The following B4GALT2 variants were observed in gnomAD, a reference collection of about 807,000 sequenced individuals.
The protein encoded by B4GALT2 is beta-1,4-galactosyltransferase 2, also known as N-acetyllactosamine synthase.
In B4GALT2, 18 loss-of-function variants were observed where a neutral mutation model predicts 33.2. The observed-to-expected ratio is 0.54, with a 90% CI of 0.38 to 0.80. The LOEUF (loss-of-function observed/expected upper bound fraction) is 0.80. Ranked by LOEUF, B4GALT2 falls within the 30% of genes least tolerant of loss-of-function variation. The probability of loss-of-function intolerance (pLI) is 0.00; values close to 1 mark genes in which losing one functional copy is unlikely to be tolerated. For missense variants in B4GALT2, 404 were observed against 526.2 expected, an observed-to-expected ratio of 0.77 and a Z score of 2.27; for synonymous variants, 214 against 217.6, an observed-to-expected ratio of 0.98 and a Z score of 0.15.
intron 1 of B4GALT2, chr1:43,980,111 T>C: frequency 7.1e-7 from 1 of 1,413,778 alleles, no homozygotes; most frequent in Non-Finnish European, 9.3e-7. Flanking sequence ...TCTCTGTGTG[T>C]CTGAGTGTGG....
Position 43,981,310 on chromosome 1 carries a change from T to TGCCCATGCCCTCCACCCA in B4GALT2, c.153_170dup (p.His52_Ala57dup). The TGCCCATGCCCTCCACCCA allele has an allele frequency of 1.2e-6, 2 of 1,603,750 alleles. No homozygotes were observed. The highest frequency in any genetic ancestry group is 1.7e-6 in the Non-Finnish European group (2 of 1,179,856). On this transcript the variant is annotated inframe_insertion, in exon 2 of 7. Transcript: ENST00000372324. This position sits in a 1 kb window ranked among gnomAD's most constrained non-coding sequence, Gnocchi z 8.1. The stretch of plus-strand genomic sequence containing the variant: ...TCAGCCGCTTCAGTGCCCGAGGCCC[T>TGCCCATGCCCTCCACCCA]GCCCATGCCCTCCACCCAGCTGCTA...
chr1:43,980,458 G>T (rs2085581860), intron 1 of B4GALT2: 1 of 744,080 alleles, frequency 1.3e-6, no homozygotes, highest in South Asian at 6.0e-5. Flanking sequence ...TAAACATCCA[G>T]TCTGTATTTG....
rs561882191 is a variant in B4GALT2 at position 43,984,193 on chromosome 1, G to C, written c.550-672G>C. Among the ~76,000 whole-genome samples, 8 of 152,376 alleles carry C rather than the reference G, an allele frequency of 5.3e-5. No homozygotes were observed. Among genetic ancestry groups the C allele is most frequent in the African/African-American group, 1.9e-4 (8 of 41,598 alleles). ...ACCCTATGCTTGTCATTTTGTTGGA[G>C]AGACAAGTGAATCTAGCCCAGACCT... On this transcript the variant is annotated intron_variant, in intron 3 of 6. Coordinates refer to ENST00000372324, the MANE Select transcript of B4GALT2 (RefSeq NM_003780.5). This position sits in a 1 kb window ranked among gnomAD's most constrained non-coding sequence, Gnocchi z 5.6.
Position 43,984,867 on chromosome 1 carries a change from T to C in B4GALT2, c.552T>C (p.His184=). ...LRYGVYVINQ[H]GEDTFNRAKL... ...GACCTGCTCCTCCCCCTACCCAGCA[T>C]GGTGAGGACACCTTCAACCGGGCCA... Residue 184 remains histidine (H), a splice_region_variant and synonymous_variant, in exon 4 of 7, where the codon CAT becomes CAC. Transcript: ENST00000372324. The surrounding 1 kb of genome is among the most constrained non-coding windows in gnomAD (Gnocchi z 5.6). 1.9e-6 allele frequency: 3 copies of C among 1,613,344 alleles called. No homozygotes were observed. The highest frequency in any genetic ancestry group is 2.5e-6 in the Non-Finnish European group (3 of 1,179,616).
chr1:43,985,263 C>T lies in B4GALT2; in HGVS notation c.741-15C>T, dbSNP rs779330887. The T allele has an allele frequency of 6.9e-6, 11 of 1,605,594 alleles. No homozygotes were observed. The South Asian group carries it at 1.2e-4, about 18-fold the overall frequency. On this transcript the variant is annotated splice_polypyrimidine_tract_variant and intron_variant, in intron 4 of 6. Coordinates refer to ENST00000372324, the MANE Select transcript of B4GALT2 (RefSeq NM_003780.5). ...CCTTGGGACCCTTACTGACACCTGC[C>T]TTCCCATGCCACAGGCTTCCCTATG... is the stretch of plus-strand genomic sequence containing the variant.
chr1:43,990,467 C>G lies in B4GALT2; in HGVS notation c.*19C>G, dbSNP rs1368592436. On this transcript the variant is annotated 3_prime_UTR_variant, in exon 7 of 7. Coordinates refer to ENST00000372324, the MANE Select transcript of B4GALT2 (RefSeq NM_003780.5). The stretch of plus-strand genomic sequence containing the variant: ...GGGCTGACACTAATGGACAGAGGCT[C>G]TCGGTGCCGAAGATTGCCTGCCAGA... 1.2e-6 allele frequency: 2 copies of G among 1,613,708 alleles called. No homozygotes were observed. Among genetic ancestry groups the G allele is most frequent in the Non-Finnish European group, 1.7e-6 (2 of 1,179,974 alleles).
chr1:43,987,363 C>T (rs987756157), intron 6 of B4GALT2, among the ~76,000 whole-genome samples: 3 of 152,096 alleles, frequency 2.0e-5, no homozygotes, highest in East Asian at 1.9e-4. Context: ...CACAGAGCAG[C>T]GTCAGGAAGC....
intron 1 of B4GALT2, chr1:43,980,408 C>T: frequency 2.5e-6 from 1 of 396,918 alleles, no homozygotes; most frequent in African/African-American, 2.1e-5. Flanking sequence ...CCTGCCTTGC[C>T]CCGTATTTTG....
rs546557890 is a variant in B4GALT2, at chr1:43,979,752, C to G, written c.-53+241C>G. 2.9e-5 allele frequency: 12 copies of G among 412,884 alleles called. No individual in the cohort carries two copies. In the Admixed American group the frequency reaches 3.6e-4, roughly 12 times the overall value. 25.6% of individuals were successfully genotyped at this position (412,884 alleles called of 1,614,324 possible). ...CCTCGCTCGCCCCGGCCTCGTGGCG[C>G]GGGGAGGCGTTCCATACACGTTTCC... On this transcript the variant is annotated intron_variant, in intron 1 of 6. Transcript: ENST00000372324. This position sits in a 1 kb window ranked among gnomAD's most constrained non-coding sequence, Gnocchi z 4.8.
chr1:43,983,625 A>T (rs1224737805), intron 3 of B4GALT2, among the ~76,000 whole-genome samples: 2 of 151,828 alleles, frequency 1.3e-5, no homozygotes, highest in African/African-American at 4.8e-5. Context: ...ACAACTCTTT[A>T]AAAAAAAATC....
intron 3 of B4GALT2, among the ~76,000 whole-genome samples, chr1:43,983,904 C>T (rs2085628023): frequency 6.6e-6 from 1 of 152,160 alleles, no homozygotes. Context: ...CCCACCTCTT[C>T]TGGCAGTGGC....
Position 43,985,460 on chromosome 1 carries a change from G to C in B4GALT2, c.864-57G>C, listed in dbSNP as rs1571806559. The C allele has an allele frequency of 8.5e-6, 13 of 1,526,620 alleles. No individual in the cohort carries two copies. The East Asian group carries it at 3.0e-4, about 35-fold the overall frequency. The allele number at this position is 1,526,620 out of a possible 1,614,324, so 94.6% of individuals were successfully genotyped here. On this transcript the variant is annotated intron_variant, in intron 5 of 6. Coordinates refer to ENST00000372324, the MANE Select transcript of B4GALT2 (RefSeq NM_003780.5). ...GGGGGGGGAGGGGGGGTGCAGACTG[G>C]GTGGGGTTCTTTGCCCTTCCTGGAG...
At position 43,990,991 on chromosome 1, in the gene B4GALT2, T is replaced by A. The variant is rs1336800723; in HGVS notation, c.*543T>A. ...CCCAGGAGGGGACCAGAGGGGATGC[T>A]GTGTCGCTGCCTGGGATCTTGGGGT... On this transcript the variant is annotated 3_prime_UTR_variant, in exon 7 of 7. Transcript: ENST00000372324. The A allele has an allele frequency of 6.3e-6, 1 of 159,560 alleles. No individual in the cohort carries two copies. Among genetic ancestry groups the A allele is most frequent in the Non-Finnish European group, 1.4e-5 (1 of 71,548 alleles). The allele number at this position is 159,560 out of a possible 1,614,324, so 9.9% of individuals were successfully genotyped here.
Position 43,990,718 on chromosome 1 carries a change from G to A in B4GALT2, c.*270G>A, listed in dbSNP as rs914525728. On this transcript the variant is annotated 3_prime_UTR_variant, in exon 7 of 7. Transcript: ENST00000372324. Reference sequence around the variant, plus strand: ...CTAGCCCAGCCCCAGTCACTGTCAGGGTCGGGCCAGCCCCTGCACTGCCTC... The same window carrying A: ...CTAGCCCAGCCCCAGTCACTGTCAGAGTCGGGCCAGCCCCTGCACTGCCTC... The A allele has an allele frequency of 5.2e-5, 26 of 495,510 alleles. No individual in the cohort carries two copies. Among genetic ancestry groups the A allele is most frequent in the Non-Finnish European group, 7.7e-5 (21 of 272,098 alleles). 30.7% of individuals were successfully genotyped at this position (495,510 alleles called of 1,614,324 possible). A position where few individuals can be genotyped will look rare whatever the true frequency, so the allele number is the denominator to read the frequency against.
In B4GALT2 at chr1:43,981,123, G is replaced by C; in HGVS notation, c.-38G>C. The C allele has an allele frequency of 6.3e-7, 1 of 1,590,418 alleles. No homozygotes were observed. The highest frequency in any genetic ancestry group is 8.5e-7 in the Non-Finnish European group (1 of 1,174,982). ...ACCCTGCTCAGGCCAGCAGCCGGAT[G>C]CCCGGGCCCACTGGGCGGGCCAGTG... On this transcript the variant is annotated 5_prime_UTR_variant, in exon 2 of 7. It removes an upstream start codon present in the reference 5' UTR. Coordinates refer to ENST00000372324, the MANE Select transcript of B4GALT2 (RefSeq NM_003780.5). This position sits in a 1 kb window ranked among gnomAD's most constrained non-coding sequence, Gnocchi z 8.1.
At position 43,979,849 on chromosome 1, in the gene B4GALT2, G is replaced by T. The variant is rs924267615; in HGVS notation, c.-53+338G>T. 1 of 723,744 alleles carries T rather than the reference G, an allele frequency of 1.4e-6. No homozygotes were observed. The highest frequency in any genetic ancestry group is 2.3e-6 in the Non-Finnish European group (1 of 441,906). 44.8% of individuals were successfully genotyped at this position (723,744 alleles called of 1,614,324 possible). On this transcript the variant is annotated intron_variant, in intron 1 of 6. Coordinates refer to ENST00000372324, the MANE Select transcript of B4GALT2 (RefSeq NM_003780.5). This position sits in a 1 kb window ranked among gnomAD's most constrained non-coding sequence, Gnocchi z 4.8. ...CCCAGGCTCCACACCCACCCGGTCTGTGCGGCCTGCCCGTCCGCGGGTGCC... is the reference window on the plus strand; with the variant it reads ...CCCAGGCTCCACACCCACCCGGTCTTTGCGGCCTGCCCGTCCGCGGGTGCC...
intron 3 of B4GALT2, among the ~76,000 whole-genome samples, chr1:43,983,275 G>A (rs1429123234): frequency 6.6e-6 from 1 of 152,238 alleles, no homozygotes; most frequent in Admixed American, 6.5e-5. Flanking sequence ...CGTCTGACCT[G>A]CCAGGGAGCA....
chr1:43,985,795 A>G (rs1281627338), intron 6 of B4GALT2, 174 bp downstream of exon 6: 2 of 641,962 alleles, frequency 3.1e-6, no homozygotes, highest in African/African-American at 3.6e-5. Flanking sequence ...AAGGCCCCTC[A>G]GGACTGCTGG....
At position 43,981,811 on chromosome 1, in the gene B4GALT2, G is replaced by A; in HGVS notation, c.436G>A (p.Ala146Thr). 1 of 1,613,878 alleles carries A rather than the reference G, an allele frequency of 6.2e-7. No homozygotes were observed. Residue 146 changes from alanine to threonine, a missense_variant, in exon 3 of 7, where the codon GCG becomes ACG. By Grantham distance (58) the Ala-to-Thr change is moderately conservative (BLOSUM62 0). Coordinates refer to ENST00000372324, the MANE Select transcript of B4GALT2 (RefSeq NM_003780.5). This position sits in a 1 kb window ranked among gnomAD's most constrained non-coding sequence, Gnocchi z 8.1. ...PPDCTPAQTV[A>T]VIIPFRHREH... ...CGACTGCACCCCAGCCCAGACGGTG[G>A]CGGTCATCATCCCCTTTAGACACCG...
Sources: gnomAD v4.1 joint callset for allele counts (sites outside exome capture counted in the v4.1 genomes callset) on GRCh38, gnomAD v4.1.1 for gene constraint, Gnocchi (gnomAD v3.1) non-coding constraint, MANE v1.5 for transcripts, NCBI Gene and HGNC (gene_info 2026-07-23, HGNC 2026-07-21) for gene names.